The following COBL variants were observed in gnomAD, a reference collection of about 807,000 sequenced individuals.
The protein encoded by COBL is cordon-bleu WH2 repeat protein, also known as protein cordon-bleu.
A neutral mutation model predicts 98.8 loss-of-function variants in COBL; 51 were observed. The observed-to-expected ratio is 0.52, with a 90% CI of 0.41 to 0.65. The LOEUF is 0.65. COBL is among the 30% of genes least tolerant of loss of function. The pLI is 0.00. For synonymous variants in COBL, 634 were observed against 651.7 expected (o/e 0.97, Z 0.41); for missense variants, 1,617 against 1,617.5 (o/e 1.00, Z 0.01).
intron 5 of COBL, among the ~76,000 whole-genome samples, chr7:51,158,399 T>C (rs1203966365): frequency 6.6e-6 from 1 of 151,714 alleles, no homozygotes; most frequent in Non-Finnish European, 1.5e-5. Flanking sequence ...GCCTCCTCAC[T>C]CACACGCGTC....
At chr7:51,264,897 A>G (rs1798065510) in intron 1 of COBL, among the ~76,000 whole-genome samples, 1 of 152,232 alleles carries the variant, frequency 6.6e-6, no homozygotes, top group Non-Finnish European at 1.5e-5. Context: ...TATCCATAGG[A>G]AATATCCCAT....
At chr7:51,165,385 T>C (rs1562985318) in intron 5 of COBL, among the ~76,000 whole-genome samples, 1 of 151,996 alleles carries the variant, frequency 6.6e-6, no homozygotes, top group Admixed American at 6.6e-5. Flanking sequence ...CATTATGTAA[T>C]GATAAAGGGG....
chr7:51,074,191 A>ATTTTTTTTTT (rs369421469), intron 7 of COBL, among the ~76,000 whole-genome samples: 2 of 100,494 alleles, frequency 2.0e-5, no homozygotes, highest in Admixed American at 1.3e-4. Flanking sequence ...CAAGGTAATG[A>ATTTTTTTTTT]TTTTTTTTTT....
At position 51,029,344 on chromosome 7, in the gene COBL, A is replaced by G. The variant is rs147465926; in HGVS notation, c.1752T>C (p.Ala584=). 1 of 1,604,392 alleles carries G rather than the reference A, an allele frequency of 6.2e-7. No homozygotes were observed. Among genetic ancestry groups the G allele is most frequent in the Non-Finnish European group, 8.5e-7 (1 of 1,173,980 alleles). ...CCTTTTCATGGGGCTGGCTGTGCTC[A>G]GCTTGAAGTGGCGCCAGGGAGTCTC... ...SRRDSLAPLQ[A]EHSQPHEKAR... The change falls in exon 10 of 13, where the codon GCT becomes GCC. Residue 584 remains alanine, a synonymous_variant. Coordinates refer to ENST00000265136, the MANE Select transcript of COBL (RefSeq NM_015198.5).
intron 7 of COBL, among the ~76,000 whole-genome samples, chr7:51,068,101 G>A (rs1298819639): frequency 2.6e-5 from 4 of 152,218 alleles, no homozygotes; most frequent in East Asian, 1.9e-4. Flanking sequence ...AGGCTTGAGC[G>A]GCAGAGGCGG....
chr7:51,224,411 AG>A (rs1793980540), intron 1 of COBL, among the ~76,000 whole-genome samples: 1 of 152,148 alleles, frequency 6.6e-6, no homozygotes, highest in Non-Finnish European at 1.5e-5. Flanking sequence ...AAGCTTTCTG[AG>A]GGAGAAAAAA....
intron 6 of COBL, among the ~76,000 whole-genome samples, chr7:51,119,096 C>T (rs887016336): frequency 2.0e-5 from 3 of 152,152 alleles, no homozygotes; most frequent in African/African-American, 7.2e-5. Flanking sequence ...TTAATTCAGA[C>T]ACATAAAAAG....
At chr7:51,067,782 G>A (rs1191821819) in intron 7 of COBL, among the ~76,000 whole-genome samples, 1 of 152,210 alleles carries the variant, frequency 6.6e-6, no homozygotes, top group Non-Finnish European at 1.5e-5. Context: ...ATGCAGCAAA[G>A]CCCCAATGTT....
chr7:51,034,846 C>G (rs890095546), intron 8 of COBL: 3 of 152,194 alleles, frequency 2.0e-5, no homozygotes, highest in African/African-American at 7.2e-5. Context: ...ACAGTTTGTT[C>G]TGGCTTAAGA....
At chr7:51,156,082 A>G (rs181715418) in intron 5 of COBL, among the ~76,000 whole-genome samples, 49 of 152,332 alleles carry the variant, frequency 3.2e-4, no homozygotes, top group Non-Finnish European at 6.2e-4. Context: ...AAAATCATCC[A>G]GACGACATAG....
intron 5 of COBL, among the ~76,000 whole-genome samples, chr7:51,166,735 C>T (rs1255394748): frequency 6.6e-6 from 1 of 152,088 alleles, no homozygotes; most frequent in Non-Finnish European, 1.5e-5. Flanking sequence ...TTCAACAATA[C>T]ATTAGAAAGA....
intron 5 of COBL, among the ~76,000 whole-genome samples, chr7:51,145,363 T>C (rs1784923141): frequency 6.7e-6 from 1 of 148,352 alleles, no homozygotes; most frequent in South Asian, 2.1e-4. Context: ...GTGGCTCATA[T>C]GTTATTCCTT....
intron 1 of COBL, among the ~76,000 whole-genome samples, chr7:51,278,494 C>A (rs1799517501): frequency 6.7e-6 from 1 of 150,116 alleles, no homozygotes; most frequent in South Asian, 2.1e-4. Context: ...AATTCTCCTG[C>A]CTCATCCTCC....
intron 1 of COBL, among the ~76,000 whole-genome samples, chr7:51,304,309 G>C (rs78019467): frequency 0.012 from 1,819 of 152,312 alleles, 41 homozygotes; most frequent in African/African-American, 0.042. Context: ...CTTCCAGTGG[G>C]ATGGGAGTCA....
intron 1 of COBL, among the ~76,000 whole-genome samples, chr7:51,224,341 T>C (rs1268341202): frequency 6.6e-6 from 1 of 150,874 alleles, no homozygotes; most frequent in East Asian, 2.0e-4. Flanking sequence ...CACTGCGTAC[T>C]TATAAAAGCC....
At position 51,261,521 on chromosome 7, in the gene COBL, T is replaced by C. The variant is rs114010506; in HGVS notation, c.42-41577A>G. On this transcript the variant is annotated intron_variant, in intron 1 of 12. Coordinates refer to ENST00000265136, the MANE Select transcript of COBL (RefSeq NM_015198.5). ...GAAACACAAAACACCAATGGTGATTTCGTCTGAGCTAAGAACACAGCAGTG... is the reference window on the plus strand; with the variant it reads ...GAAACACAAAACACCAATGGTGATTCCGTCTGAGCTAAGAACACAGCAGTG... Among the ~76,000 whole-genome samples, 1,037 of 152,282 alleles carry C rather than the reference T, an allele frequency of 6.8e-3. 12 individuals carry two copies. Among genetic ancestry groups the C allele is most frequent in the African/African-American group, 0.024 (996 of 41,544 alleles).
intron 6 of COBL, among the ~76,000 whole-genome samples, chr7:51,118,466 C>T (rs1385589187): frequency 1.3e-5 from 2 of 152,012 alleles, no homozygotes; most frequent in African/African-American, 4.8e-5. Flanking sequence ...TAAGCAGAGA[C>T]AATCCTCGCA....
intron 1 of COBL, among the ~76,000 whole-genome samples, chr7:51,273,054 C>T (rs977838925): frequency 8.5e-5 from 13 of 152,164 alleles, no homozygotes; most frequent in East Asian, 3.9e-4. Context: ...CAAAGCCAGG[C>T]GCAGTGGCTC....
At chr7:51,223,013 GCA>G (rs1482471779) in intron 1 of COBL, among the ~76,000 whole-genome samples, 4 of 152,178 alleles carry the variant, frequency 2.6e-5, no homozygotes, top group Non-Finnish European at 1.5e-5. Flanking sequence ...CATCTCTACA[GCA>G]CACACAAAGG....
Sources: allele counts gnomAD v4.1 joint callset (sites outside exome capture counted in the v4.1 genomes callset), GRCh38; gene constraint gnomAD v4.1.1; transcripts MANE v1.5; gene names NCBI Gene and HGNC (gene_info 2026-07-23, HGNC 2026-07-21).